Variants in SGCD observed in about 807,000 individuals in gnomAD.
The protein encoded by SGCD is sarcoglycan delta, also known as delta-sarcoglycan.
In SGCD, 18 loss-of-function variants were observed where a neutral mutation model predicts 36.6. The ratio of observed to expected loss-of-function variants is 0.49; its 90% CI spans 0.34 to 0.73. The LOEUF (loss-of-function observed/expected upper bound fraction) is 0.73. SGCD is among the 30% of genes least tolerant of loss of function. The pLI, the probability that SGCD is intolerant of heterozygous loss-of-function variation, is 0.01. For synonymous variants in SGCD, 133 were observed against 130.6 expected, an observed-to-expected ratio of 1.02 and a Z score of -0.12; for missense variants, 387 against 346.7, an observed-to-expected ratio of 1.12 and a Z score of -0.92.
At chr5:155,740,664 T>C in the SGCD span, among the ~76,000 whole-genome samples, 1 of 151,678 alleles carries the variant, frequency 6.6e-6, no homozygotes, top group Admixed American at 6.6e-5. Context: ...ATACTCTTTG[T>C]AATTTTATTC....
At chr5:155,849,388 A>G in the SGCD span, among the ~76,000 whole-genome samples, 2 of 152,054 alleles carry the variant, frequency 1.3e-5, no homozygotes, top group Non-Finnish European at 2.9e-5. Context: ...AGATGCCTTA[A>G]TGTGATACAG....
chr5:156,177,087 C>T (rs1581148773), intron 3 of SGCD, among the ~76,000 whole-genome samples: 1 of 152,200 alleles, frequency 6.6e-6, no homozygotes, highest in Admixed American at 6.5e-5. Flanking sequence ...CTGCAACCTC[C>T]GCCTCCTGGG....
rs60364292 is a variant in SGCD, at chr5:156,468,341, C to CA, written c.193-40239dup. On this transcript the variant is annotated intron_variant, in intron 3 of 8. Coordinates refer to ENST00000337851, the MANE Select transcript of SGCD (RefSeq NM_000337.6). ...GGGTGACAAGAGTGAGACCTTGTCT[C>CA]AAAAAAAAAAAAAAAAAAAAAGATT... Among the ~76,000 whole-genome samples the CA allele has an allele frequency of 3.8e-3, 422 of 110,860 alleles. 3 individuals are homozygous for CA. The highest frequency in any genetic ancestry group is 5.7e-3 in the Non-Finnish European group (310 of 54,460). 72.7% of individuals were successfully genotyped at this position (110,860 alleles called of 152,430 possible). A position where few individuals can be genotyped will look rare whatever the true frequency, so the allele number is the denominator to read the frequency against.
the SGCD span, among the ~76,000 whole-genome samples, chr5:155,761,804 C>T: frequency 6.6e-6 from 1 of 151,902 alleles, no homozygotes; most frequent in Non-Finnish European, 1.5e-5. Context: ...CTCCATCATC[C>T]TCACCATCAA....
chr5:156,096,887 T>A (rs1761389821), intron 1 of SGCD, among the ~76,000 whole-genome samples: 1 of 152,232 alleles, frequency 6.6e-6, no homozygotes, highest in African/African-American at 2.4e-5. Context: ...AGGGGAGCTC[T>A]GCAGACAACA....
At chr5:156,337,591 T>A (rs562756687) in intron 2 of SGCD, among the ~76,000 whole-genome samples, 220 of 152,272 alleles carry the variant, frequency 1.4e-3, no homozygotes, top group African/African-American at 5.1e-3. Flanking sequence ...AATTGTCTCC[T>A]TATCAGAATG....
At chr5:156,583,661 A>G (rs1236479351) in intron 4 of SGCD, among the ~76,000 whole-genome samples, 1 of 152,240 alleles carries the variant, frequency 6.6e-6, no homozygotes, top group Non-Finnish European at 1.5e-5. Flanking sequence ...AAAATGGAGT[A>G]TGAAGGCAAA....
At chr5:156,387,708 T>G (rs186956718) in intron 3 of SGCD, among the ~76,000 whole-genome samples, 1 of 152,204 alleles carries the variant, frequency 6.6e-6, no homozygotes, top group African/African-American at 2.4e-5. Context: ...GGGAAGAAAA[T>G]GCATTTTCAA....
intron 3 of SGCD, among the ~76,000 whole-genome samples, chr5:156,418,120 C>T (rs761387426): frequency 9.2e-5 from 14 of 152,146 alleles, no homozygotes; most frequent in Non-Finnish European, 1.6e-4. Flanking sequence ...GATGGAAAGA[C>T]TTGCTGTAGG....
intron 3 of SGCD, among the ~76,000 whole-genome samples, chr5:156,198,707 C>T (rs1210408937): frequency 5.3e-5 from 8 of 152,084 alleles, no homozygotes; most frequent in Admixed American, 5.2e-4. Flanking sequence ...TTGATATGGA[C>T]AGTGCCAGGA....
chr5:156,287,598 A>C (rs1766642386), intron 3 of SGCD, among the ~76,000 whole-genome samples: 1 of 149,850 alleles, frequency 6.7e-6, no homozygotes. Flanking sequence ...TGGGCATGCC[A>C]CTCAGCTTGG....
At chr5:156,434,274 A>G (rs541413610) in intron 3 of SGCD, among the ~76,000 whole-genome samples, 1 of 152,338 alleles carries the variant, frequency 6.6e-6, no homozygotes, top group African/African-American at 2.4e-5. Flanking sequence ...TGTTCCATAA[A>G]CTGATTGGAG....
At chr5:155,936,173 T>C (rs764434182) in intron 1 of SGCD, among the ~76,000 whole-genome samples, 1 of 152,182 alleles carries the variant, frequency 6.6e-6, no homozygotes, top group Non-Finnish European at 1.5e-5. Context: ...CTTCTCGGCA[T>C]CTGCAATGTG....
At chr5:156,708,661 T>C (rs1159991415) in intron 7 of SGCD, among the ~76,000 whole-genome samples, 1 of 24,180 alleles carries the variant, frequency 4.1e-5, no homozygotes, top group Non-Finnish European at 6.2e-5. Flanking sequence ...ACTCTTCAAA[T>C]ACATTGTAAA....
intron 3 of SGCD, among the ~76,000 whole-genome samples, chr5:156,167,497 T>C (rs1424365240): frequency 2.0e-5 from 3 of 152,144 alleles, no homozygotes; most frequent in Non-Finnish European, 2.9e-5. Flanking sequence ...CCAAATCTCA[T>C]GTTGAAATGT....
intron 3 of SGCD, among the ~76,000 whole-genome samples, chr5:156,412,490 A>G (rs1255044201): frequency 6.6e-6 from 1 of 152,214 alleles, no homozygotes; most frequent in Non-Finnish European, 1.5e-5. Context: ...TTTGAATCTC[A>G]AAAAATAAAA....
chr5:156,604,869 T>C (rs1026605881), intron 6 of SGCD, among the ~76,000 whole-genome samples: 3 of 147,588 alleles, frequency 2.0e-5, no homozygotes. Flanking sequence ...GTATAATATA[T>C]ACTTTATATA....
the SGCD span, among the ~76,000 whole-genome samples, chr5:155,811,461 T>C: frequency 6.6e-6 from 1 of 152,214 alleles, no homozygotes; most frequent in Non-Finnish European, 1.5e-5. Flanking sequence ...TGGTCCATTG[T>C]TCAGAACAGT....
chr5:156,424,181 T>C (rs1223488029), intron 3 of SGCD, among the ~76,000 whole-genome samples: 1 of 152,078 alleles, frequency 6.6e-6, no homozygotes, highest in Non-Finnish European at 1.5e-5. Flanking sequence ...CTTTTGTTTT[T>C]ATATGTTCAT....
Sources: allele counts gnomAD v4.1 joint callset (sites outside exome capture counted in the v4.1 genomes callset), GRCh38; gene constraint gnomAD v4.1.1; transcripts MANE v1.5; gene names NCBI Gene and HGNC (gene_info 2026-07-23, HGNC 2026-07-21).